Variants in CNTN4 observed in about 807,000 individuals in gnomAD.
The protein encoded by CNTN4 is contactin 4.
In CNTN4, 77 loss-of-function variants were observed where a neutral mutation model predicts 122.5. The observed-to-expected ratio is 0.63, with a 90% confidence interval of 0.52 to 0.76. The LOEUF (loss-of-function observed/expected upper bound fraction) is 0.76. Among genes scored for constraint, CNTN4 ranks in the 30% least tolerant of loss-of-function variants. The pLI is 0.00. For synonymous variants in CNTN4, 512 were observed against 447.0 expected (o/e 1.15, Z -1.83); for missense variants, 1,256 against 1,259.1 (o/e 1.00, Z 0.04).
At chr3:2,742,270 T>G (rs1315570423) in intron 5 of CNTN4, among the ~76,000 whole-genome samples, 1 of 152,166 alleles carries the variant, frequency 6.6e-6, no homozygotes, top group African/African-American at 2.4e-5. Context: ...TTTTCATTGT[T>G]TCCTGCCCCT....
intron 2 of CNTN4, among the ~76,000 whole-genome samples, chr3:2,225,281 G>T (rs2149513508): frequency 6.6e-6 from 1 of 151,804 alleles, no homozygotes; most frequent in Non-Finnish European, 1.5e-5. Context: ...TTGGGAGGCC[G>T]AGGCGGGTGG....
chr3:2,177,942 G>A (rs1318766136), intron 2 of CNTN4, among the ~76,000 whole-genome samples: 2 of 151,862 alleles, frequency 1.3e-5, no homozygotes, highest in East Asian at 1.9e-4. Context: ...CTATCGTCTG[G>A]ATTTTAAAAT....
intron 3 of CNTN4, among the ~76,000 whole-genome samples, chr3:2,529,020 C>T (rs1327795265): frequency 2.0e-5 from 3 of 152,030 alleles, no homozygotes; most frequent in Admixed American, 6.6e-5. Context: ...CTATGGTACT[C>T]GTACAGTGCT....
chr3:2,611,323 A>G (rs2081481269), intron 4 of CNTN4, among the ~76,000 whole-genome samples: 1 of 151,438 alleles, frequency 6.6e-6, no homozygotes, highest in East Asian at 1.9e-4. Context: ...GAAAGAAAGA[A>G]AGAAACAAAA....
At chr3:2,722,478 G>T (rs559357579) in intron 4 of CNTN4, among the ~76,000 whole-genome samples, 3 of 152,314 alleles carry the variant, frequency 2.0e-5, no homozygotes, top group African/African-American at 7.2e-5. Context: ...CACCTTCTCT[G>T]TGGCTAGAGG....
intron 2 of CNTN4, among the ~76,000 whole-genome samples, chr3:2,334,162 CTAT>C (rs2043846187): frequency 6.6e-6 from 1 of 152,130 alleles, no homozygotes; most frequent in South Asian, 2.1e-4. Context: ...CTCATTTTAT[CTAT>C]TATTGTTATT....
intron 7 of CNTN4, among the ~76,000 whole-genome samples, chr3:2,820,024 A>G (rs1356573669): frequency 3.9e-5 from 6 of 152,160 alleles, no homozygotes; most frequent in Admixed American, 6.5e-5. Context: ...CAAGTCTCCA[A>G]TCTTCTGGAC....
At chr3:2,226,899 G>T (rs1162697176) in intron 2 of CNTN4, among the ~76,000 whole-genome samples, 2 of 151,988 alleles carry the variant, frequency 1.3e-5, no homozygotes, top group African/African-American at 4.8e-5. Flanking sequence ...TTTAATTTTT[G>T]TAACTCTTTG....
At position 2,787,268 on chromosome 3, in the gene CNTN4, T is replaced by G. The variant is rs55793225; in HGVS notation, c.359-32218T>G. Among the ~76,000 whole-genome samples, 319 of 152,032 alleles carry G rather than the reference T, an allele frequency of 2.1e-3. 3 individuals carry two copies. Among genetic ancestry groups the G allele is most frequent in the African/African-American group, 7.6e-3 (315 of 41,456 alleles). On this transcript the variant is annotated intron_variant, in intron 6 of 24. Transcript: ENST00000418658. The stretch of plus-strand genomic sequence containing the variant: ...GCGGGCGCCTGTAGTCCCAGCTACT[T>G]GGGAGGCTGAGGCAGGAGAATCACT...
chr3:2,545,466 G>A (rs2078205156), intron 3 of CNTN4, among the ~76,000 whole-genome samples: 1 of 152,114 alleles, frequency 6.6e-6, no homozygotes, highest in Admixed American at 6.6e-5. Flanking sequence ...GGGTGTTGAA[G>A]TCTCCCACTA....
At chr3:2,593,329 A>C (rs2080592088) in intron 4 of CNTN4, among the ~76,000 whole-genome samples, 1 of 152,214 alleles carries the variant, frequency 6.6e-6, no homozygotes, top group Non-Finnish European at 1.5e-5. Context: ...TTGTTCATTC[A>C]GCACCTACTA....
chr3:2,246,174 A>T (rs2040138338), intron 2 of CNTN4, among the ~76,000 whole-genome samples: 1 of 151,666 alleles, frequency 6.6e-6, no homozygotes, highest in African/African-American at 2.4e-5. Context: ...AAAAAATATC[A>T]TACAATGCAA....
intron 13 of CNTN4, among the ~76,000 whole-genome samples, chr3:2,957,150 C>T (rs781586349): frequency 5.9e-5 from 9 of 152,214 alleles, no homozygotes; most frequent in Admixed American, 2.0e-4. Flanking sequence ...TGGATATATA[C>T]GCAGAAGTGG....
intron 3 of CNTN4, among the ~76,000 whole-genome samples, chr3:2,496,075 T>C (rs1422297352): frequency 6.6e-6 from 1 of 152,186 alleles, no homozygotes; most frequent in Admixed American, 6.5e-5. Flanking sequence ...CTGGGAGATA[T>C]CAGTTGTCAG....
chr3:2,621,320 A>G (rs1184618894), intron 4 of CNTN4, among the ~76,000 whole-genome samples: 1 of 152,204 alleles, frequency 6.6e-6, no homozygotes, highest in East Asian at 1.9e-4. Context: ...TCTAATCGTC[A>G]GATGTGTTCT....
chr3:2,804,775 C>T (rs2092426413), intron 6 of CNTN4, among the ~76,000 whole-genome samples: 1 of 143,000 alleles, frequency 7.0e-6, no homozygotes, highest in South Asian at 2.3e-4. Flanking sequence ...GTTACCCAGG[C>T]TGGTTGCAAA....
At chr3:2,408,459 A>T (rs1251483117) in intron 3 of CNTN4, among the ~76,000 whole-genome samples, 1 of 152,206 alleles carries the variant, frequency 6.6e-6, no homozygotes, top group Non-Finnish European at 1.5e-5. Context: ...GGAGAAAGTC[A>T]TGCCAGCAGT....
chr3:2,168,011 G>A (rs1306736078), intron 2 of CNTN4, among the ~76,000 whole-genome samples: 2 of 152,118 alleles, frequency 1.3e-5, no homozygotes, highest in Admixed American at 1.3e-4. Flanking sequence ...ATGGTGTTGT[G>A]TGCCTATGGT....
chr3:3,042,166 G>A, intron 20 of CNTN4, 144 bp from the exon 21 acceptor site: 1 of 692,314 alleles, frequency 1.4e-6, no homozygotes, highest in Non-Finnish European at 2.6e-6. Flanking sequence ...ATTAATCACT[G>A]CCCCTCTGCA....
Sources: gnomAD v4.1 joint callset for allele counts (sites outside exome capture counted in the v4.1 genomes callset) on GRCh38, gnomAD v4.1.1 for gene constraint, MANE v1.5 for transcripts, NCBI Gene and HGNC (gene_info 2026-07-23, HGNC 2026-07-21) for gene names.